DGKG: variants seen among roughly 807,000 people sequenced by gnomAD.
DGKG encodes diacylglycerol kinase gamma, also known as DAG kinase gamma.
DGKG carries 78 observed loss-of-function variants against 105.3 expected under a neutral mutation model. The ratio of observed to expected loss-of-function variants is 0.74; its 90% CI spans 0.62 to 0.89. The LOEUF (loss-of-function observed/expected upper bound fraction) is 0.89. Among genes scored for constraint, DGKG ranks in the 40% least tolerant of loss-of-function variants. DGKG has a pLI of 0.00. For synonymous variants in DGKG, 346 were observed against 367.1 expected, an observed-to-expected ratio of 0.94 and a Z score of 0.66; for missense variants, 958 against 1,020.1, an observed-to-expected ratio of 0.94 and a Z score of 0.83.
chr3:186,322,924 C>A (rs1725150914), intron 1 of DGKG, among the ~76,000 whole-genome samples: 1 of 152,192 alleles, frequency 6.6e-6, no homozygotes, highest in South Asian at 2.1e-4. Context: ...TTCTCTCCTG[C>A]CAAACCCAGG....
chr3:186,337,420 AAAAC>A (rs1344607944), intron 1 of DGKG, among the ~76,000 whole-genome samples: 1 of 152,184 alleles, frequency 6.6e-6, no homozygotes, highest in Non-Finnish European at 1.5e-5. Flanking sequence ...AACAAACAAA[AAAAC>A]AAACAAAACC....
Position 186,306,884 on chromosome 3 carries a change from A to C in DGKG, c.144+17T>G, listed in dbSNP as rs1157644285. The C allele has an allele frequency of 1.6e-5, 26 of 1,577,160 alleles. No individual in the cohort carries two copies. The highest frequency in any genetic ancestry group is 2.2e-5 in the Non-Finnish European group (25 of 1,148,222). ...AACACAGGGGTTTTTAAAGGCTTAA[A>C]ATGGAAATGTTCTTACCTCATGTGG... On this transcript the variant is annotated intron_variant, in intron 3 of 24. Coordinates refer to ENST00000265022, the MANE Select transcript of DGKG (RefSeq NM_001346.3).
At chr3:186,198,591 T>G (rs1420936178) in intron 21 of DGKG, among the ~76,000 whole-genome samples, 2 of 152,220 alleles carry the variant, frequency 1.3e-5, no homozygotes, top group African/African-American at 4.8e-5. Context: ...AAAAAAAGCC[T>G]TTGTTATTGT....
At chr3:186,230,677 A>G (rs940633045) in intron 20 of DGKG, among the ~76,000 whole-genome samples, 1 of 152,162 alleles carries the variant, frequency 6.6e-6, no homozygotes, top group African/African-American at 2.4e-5. Flanking sequence ...TGGGAAGGGC[A>G]TCGAGATGGG....
intron 20 of DGKG, among the ~76,000 whole-genome samples, chr3:186,221,098 G>A (rs180745684): frequency 2.6e-5 from 4 of 152,300 alleles, no homozygotes; most frequent in South Asian, 4.1e-4. Context: ...AAATGTGCTC[G>A]CAGACACTGC....
Position 186,288,842 on chromosome 3 carries a change from G to A in DGKG, c.412C>T (p.Gln138Ter), listed in dbSNP as rs758998484. 6.3e-7 allele frequency: 1 copy of A among 1,599,160 alleles called. No individual in the cohort carries two copies. The highest frequency in any genetic ancestry group is 1.4e-5 in the African/African-American group (1 of 74,048). Residue 138 changes from glutamine to a stop codon, truncating the protein, a stop_gained, in exon 6 of 25, where the codon CAA (glutamine) becomes TAA (stop). Transcript: ENST00000265022. LOFTEE classifies it high-confidence loss of function. ...MAEKQAPAED[Q>*]VAATPLEPPV... ...GGTTCCAGGGGGGTCGCAGCCACTTGGTCTTCAGCTGGTGCTTGCTTCTCA... is the reference window on the plus strand; with the variant it reads ...GGTTCCAGGGGGGTCGCAGCCACTTAGTCTTCAGCTGGTGCTTGCTTCTCA...
At chr3:186,193,805 G>T (rs1036283747) in intron 21 of DGKG, among the ~76,000 whole-genome samples, 1 of 152,244 alleles carries the variant, frequency 6.6e-6, no homozygotes, top group Non-Finnish European at 1.5e-5. Flanking sequence ...CGGCCCGCGC[G>T]GCCCCAGCGT....
intron 1 of DGKG, among the ~76,000 whole-genome samples, chr3:186,351,151 G>A (rs1726611904): frequency 6.6e-6 from 1 of 152,072 alleles, no homozygotes. Flanking sequence ...ACAGTTGGTT[G>A]GTCTTTCCCT....
intron 17 of DGKG, among the ~76,000 whole-genome samples, chr3:186,257,451 G>A (rs1024889806): frequency 5.1e-4 from 77 of 152,152 alleles, no homozygotes; most frequent in African/African-American, 1.8e-3. Context: ...CTCAGGCTCC[G>A]GGTGTTCATC....
chr3:186,170,754 C>A (rs1464811200), intron 22 of DGKG, among the ~76,000 whole-genome samples: 1 of 152,180 alleles, frequency 6.6e-6, no homozygotes, highest in Non-Finnish European at 1.5e-5. Flanking sequence ...CCGGACAACT[C>A]CCAATGGTCA....
intron 21 of DGKG, among the ~76,000 whole-genome samples, chr3:186,209,660 G>A (rs558470337): frequency 1.2e-4 from 19 of 152,174 alleles, no homozygotes; most frequent in African/African-American, 4.6e-4. Context: ...CCTTAGCATA[G>A]CTGCTCTTAC....
At position 186,148,849 on chromosome 3, in the gene DGKG, G is replaced by A; in HGVS notation, c.*1241C>T. On this transcript the variant is annotated 3_prime_UTR_variant, in exon 25 of 25. Transcript: ENST00000265022. ...CCACAGGGAGATGCGTCCTGACAAT[G>A]AAACGGTGGAGTGGGGGAGTGAGAA... 1.0e-6 allele frequency: 1 copy of A among 984,722 alleles called. No individual in the cohort carries two copies. Among genetic ancestry groups the A allele is most frequent in the Non-Finnish European group, 1.2e-6 (1 of 829,668 alleles). 61.0% of individuals were successfully genotyped at this position (984,722 alleles called of 1,614,324 possible).
intron 7 of DGKG, among the ~76,000 whole-genome samples, chr3:186,283,854 G>A (rs747247414): frequency 2.0e-5 from 3 of 152,204 alleles, no homozygotes; most frequent in Non-Finnish European, 4.4e-5. Context: ...GGATGATTCA[G>A]TTTGTCTAGT....
At chr3:186,196,940 T>C (rs745526981) in intron 21 of DGKG, among the ~76,000 whole-genome samples, 2 of 152,006 alleles carry the variant, frequency 1.3e-5, no homozygotes, top group African/African-American at 2.4e-5. Flanking sequence ...AAAAGGATAA[T>C]GTGATTGAGG....
intron 1 of DGKG, among the ~76,000 whole-genome samples, chr3:186,347,608 A>G (rs1320659825): frequency 6.6e-6 from 1 of 151,084 alleles, no homozygotes; most frequent in Non-Finnish European, 1.5e-5. Context: ...TTTGAGGCAG[A>G]GTCTCACCGT....
At chr3:186,330,419 T>C (rs989095604) in intron 1 of DGKG, among the ~76,000 whole-genome samples, 8 of 152,226 alleles carry the variant, frequency 5.3e-5, no homozygotes, top group African/African-American at 1.7e-4. Context: ...ATGCCCTTTC[T>C]AGTTTCTTCC....
chr3:186,313,874 C>A (rs911361550), intron 2 of DGKG, among the ~76,000 whole-genome samples: 1 of 152,092 alleles, frequency 6.6e-6, no homozygotes, highest in African/African-American at 2.4e-5. Context: ...TATGACCCTT[C>A]ATGGGCCCAG....
chr3:186,313,474 C>T (rs1724659193), intron 2 of DGKG: 4 of 983,112 alleles, frequency 4.1e-6, no homozygotes, highest in Non-Finnish European at 4.8e-6. Context: ...ATTTTCTCAC[C>T]TTTTCTCCAA....
At chr3:186,286,755 C>T (rs1480893221) in intron 6 of DGKG, among the ~76,000 whole-genome samples, 1 of 151,998 alleles carries the variant, frequency 6.6e-6, no homozygotes, top group Non-Finnish European at 1.5e-5. Flanking sequence ...AATTGCAGGC[C>T]GGGTGCCATG....
Sources: gnomAD v4.1 joint callset for allele counts (sites outside exome capture counted in the v4.1 genomes callset) on GRCh38, gnomAD v4.1.1 for gene constraint, MANE v1.5 for transcripts, NCBI Gene and HGNC (gene_info 2026-07-23, HGNC 2026-07-21) for gene names.